PAGE2B: variants seen among roughly 807,000 people sequenced by gnomAD.
The protein encoded by PAGE2B is PAGE family member 2B.
Under a neutral mutation model 7.6 loss-of-function variants are expected in PAGE2B, and 5 were observed. That is an observed-to-expected ratio of 0.66 (90% confidence interval 0.34 to 1.38). PAGE2B has a LOEUF of 1.38. PAGE2B is among the 40% of genes most tolerant of loss of function. PAGE2B has a pLI of 0.04. For synonymous variants in PAGE2B, 29 were observed against 26.7 expected (o/e 1.09, Z -0.27); for missense variants, 70 against 78.4 (o/e 0.89, Z 0.41).
chrX:55,033,046 C>T, the PAGE2B span, among the ~76,000 whole-genome samples: 1 of 111,283 alleles, frequency 9.0e-6, no homozygotes, highest in South Asian at 3.8e-4. Context: ...CAGAATTTAT[C>T]ACACTGTACT....
At chrX:55,045,930 T>A in the PAGE2B span, among the ~76,000 whole-genome samples, 16 of 110,812 alleles carry the variant, frequency 1.4e-4, no homozygotes, top group Non-Finnish European at 2.8e-4. Context: ...TACAAAGAAG[T>A]CAAATAACAT....
chrX:55,032,099 A>G, the PAGE2B span, among the ~76,000 whole-genome samples: 7 of 111,586 alleles, frequency 6.3e-5, no homozygotes, highest in East Asian at 2.8e-4. Context: ...TAATGTTGCA[A>G]TGAACATCTT....
the PAGE2B span, among the ~76,000 whole-genome samples, chrX:55,054,188 G>A: frequency 9.1e-6 from 1 of 109,810 alleles, no homozygotes; most frequent in African/African-American, 3.4e-5. Flanking sequence ...CAGCCTGGGC[G>A]ACAGAGTGAG....
chrX:55,036,717 A>G, the PAGE2B span, among the ~76,000 whole-genome samples: 4,938 of 109,291 alleles, frequency 0.045, 290 homozygotes, highest in African/African-American at 0.15. Context: ...AGATCAATGG[A>G]ACAGAACAGA....
At chrX:55,034,141 A>G in the PAGE2B span, among the ~76,000 whole-genome samples, 1 of 112,056 alleles carries the variant, frequency 8.9e-6, no homozygotes, top group Admixed American at 9.5e-5. Flanking sequence ...TCTCACTATC[A>G]GCATCTCTCT....
the PAGE2B span, among the ~76,000 whole-genome samples, chrX:55,056,170 C>T: frequency 3.6e-5 from 4 of 111,305 alleles, no homozygotes; most frequent in Admixed American, 9.6e-5. Flanking sequence ...AATTTACCCA[C>T]GAGTCCCCTC....
At chrX:55,074,426 G>A (rs923628190), upstream of PAGE2B, among the ~76,000 whole-genome samples, 33 of 111,884 alleles carry the variant, frequency 2.9e-4, no homozygotes, top group Non-Finnish European at 5.3e-4. Flanking sequence ...CAACTCAATG[G>A]AAGAAAATTA....
chrX:55,042,272 G>T, the PAGE2B span, among the ~76,000 whole-genome samples: 2 of 111,082 alleles, frequency 1.8e-5, no homozygotes, highest in Non-Finnish European at 3.8e-5. Context: ...CGACCAAGCT[G>T]AGAATCAAAT....
At chrX:55,042,913 A>G in the PAGE2B span, among the ~76,000 whole-genome samples, 1 of 110,126 alleles carries the variant, frequency 9.1e-6, no homozygotes, top group Admixed American at 9.8e-5. Flanking sequence ...AAAAGAACAA[A>G]TCTGGAAGCA....
At chrX:55,061,002 A>G in the PAGE2B span, among the ~76,000 whole-genome samples, 1 of 110,944 alleles carries the variant, frequency 9.0e-6, no homozygotes, top group Non-Finnish European at 1.9e-5. Flanking sequence ...TCAAAATATT[A>G]TATTATTACT....
chrX:55,064,435 T>C, the PAGE2B span, among the ~76,000 whole-genome samples: 1 of 111,744 alleles, frequency 8.9e-6, no homozygotes, highest in Non-Finnish European at 1.9e-5. Flanking sequence ...ATTTGGGTCT[T>C]GTCTCTTTTT....
chrX:55,029,033 A>C, the PAGE2B span, among the ~76,000 whole-genome samples: 15 of 112,229 alleles, frequency 1.3e-4, no homozygotes, highest in Non-Finnish European at 2.4e-4. Flanking sequence ...CATATAAAGC[A>C]TTTAGCAGAG....
At chrX:55,036,882 C>T in the PAGE2B span, among the ~76,000 whole-genome samples, 2 of 109,765 alleles carry the variant, frequency 1.8e-5, no homozygotes, top group African/African-American at 6.7e-5. Context: ...CTTCCTTACA[C>T]CTTATACAAA....
At chrX:55,073,195 G>A (rs191797540), upstream of PAGE2B, among the ~76,000 whole-genome samples, 14 of 112,064 alleles carry the variant, frequency 1.2e-4, no homozygotes, top group East Asian at 4.0e-3. Context: ...CCAGGGCCCT[G>A]CTGATGTTGG....
the PAGE2B span, among the ~76,000 whole-genome samples, chrX:55,033,431 T>A: frequency 5.4e-5 from 6 of 111,476 alleles, no homozygotes; most frequent in East Asian, 8.5e-4. Flanking sequence ...TAGAGGAAAA[T>A]GTCTCATTTT....
the PAGE2B span, among the ~76,000 whole-genome samples, chrX:55,061,393 C>T: frequency 5.4e-5 from 6 of 110,764 alleles, no homozygotes; most frequent in African/African-American, 2.0e-4. Flanking sequence ...TCACCCTCCT[C>T]CTGCTCTCTA....
the PAGE2B span, among the ~76,000 whole-genome samples, chrX:55,038,631 G>A: frequency 8.9e-6 from 1 of 111,809 alleles, no homozygotes; most frequent in Non-Finnish European, 1.9e-5. Flanking sequence ...ACCTATCCTT[G>A]AAGAGGCAGG....
At chrX:55,052,796 G>A in the PAGE2B span, among the ~76,000 whole-genome samples, 4 of 112,561 alleles carry the variant, frequency 3.6e-5, no homozygotes, top group East Asian at 5.6e-4. Flanking sequence ...GCTCACACAC[G>A]GTGCACTGCA....
chrX:55,071,614 A>C (rs1331404094), upstream of PAGE2B, among the ~76,000 whole-genome samples: 2 of 111,769 alleles, frequency 1.8e-5, no homozygotes, highest in Non-Finnish European at 3.8e-5. Flanking sequence ...AGGTTGGGGA[A>C]GTTCTCCTGA....
Sources: gnomAD v4.1 joint callset for allele counts (sites outside exome capture counted in the v4.1 genomes callset) on GRCh38, gnomAD v4.1.1 for gene constraint, MANE v1.5 for transcripts, NCBI Gene and HGNC (gene_info 2026-07-23, HGNC 2026-07-21) for gene names.